The following SIGLEC12 variants were observed in gnomAD, a reference collection of about 807,000 sequenced individuals.
SIGLEC12 encodes sialic acid binding Ig like lectin 12.
SIGLEC12 carries 43 observed loss-of-function variants against 54.1 expected under a neutral mutation model. The ratio of observed to expected loss-of-function variants is 0.80; its 90% CI spans 0.62 to 1.03. SIGLEC12 has a LOEUF of 1.03. SIGLEC12 is among the 50% of genes least tolerant of loss of function. The pLI, the probability that SIGLEC12 is intolerant of heterozygous loss-of-function variation, is 0.00. For synonymous variants in SIGLEC12, 357 were observed against 307.6 expected, an observed-to-expected ratio of 1.16 and a Z score of -1.68; for missense variants, 802 against 735.2, an observed-to-expected ratio of 1.09 and a Z score of -1.05.
chr19:51,492,599 T>C (rs1295265157), intron 7 of SIGLEC12, among the ~76,000 whole-genome samples: 2 of 152,190 alleles, frequency 1.3e-5, no homozygotes, highest in African/African-American at 2.4e-5. Flanking sequence ...GAAATTATCC[T>C]GGATTACTTG....
intron 7 of SIGLEC12, among the ~76,000 whole-genome samples, chr19:51,492,935 C>T (rs1487727718): frequency 2.4e-4 from 37 of 152,182 alleles, no homozygotes. Context: ...CCACAGGAAA[C>T]TAATATAGAC....
Position 51,501,725 on chromosome 19 carries a change from C to CAGT in SIGLEC12, c.6_8dup (p.Leu8dup). 1 of 1,604,544 alleles carries CAGT rather than the reference C, an allele frequency of 6.2e-7. No individual in the cohort carries two copies. The highest frequency in any genetic ancestry group is 8.5e-7 in the Non-Finnish European group (1 of 1,173,578). ...GCAGGGGTGGCAGCAGTAGCAGCAG[C>CAGT]AGTAGCATGTGTCGGGTTGGAGGTG... On this transcript the variant is annotated inframe_insertion, in exon 1 of 8. Coordinates refer to ENST00000291707, the MANE Select transcript of SIGLEC12 (RefSeq NM_053003.4).
intron 1 of SIGLEC12, among the ~76,000 whole-genome samples, chr19:51,500,676 C>G (rs560418493): frequency 1.2e-4 from 18 of 152,020 alleles, no homozygotes; most frequent in Admixed American, 3.9e-4. Context: ...CCTGCCCTCC[C>G]GGCCTCTGGA....
In SIGLEC12 at chr19:51,495,343, GGATGGATGGACA is replaced by G. The variant is rs1396245144; in HGVS notation, c.1599+1525_1599+1536del. Among the ~76,000 whole-genome samples, 16 of 98,196 alleles carry G rather than the reference GGATGGATGGACA, an allele frequency of 1.6e-4. 1 individual carries two copies. The highest frequency in any genetic ancestry group is 6.6e-3 in the Middle Eastern group (1 of 152). The allele number at this position is 98,196 out of a possible 152,430, so 64.4% of individuals were successfully genotyped here. ...TGGATGGATGGATGGATGGATGGAT[GGATGGATGGACA>G]GACGGGTGGGTGGATGGATGGATGG... On this transcript the variant is annotated intron_variant, in intron 7 of 7. Transcript: ENST00000291707.
In SIGLEC12 at chr19:51,499,444, T is replaced by C. The variant is rs373503153; in HGVS notation, c.1081A>G (p.Ile361Val). 2 of 1,578,458 alleles carry C rather than the reference T, an allele frequency of 1.3e-6. No individual in the cohort carries two copies. Among genetic ancestry groups the C allele is most frequent in the East Asian group, 4.5e-5 (2 of 44,732 alleles). ...VTMTRAVRLN[I>V]SYPPQNLTMT... ...GTCCTGGCCCAGAACTCACAGGATA[T>C]GTTGAGTCGGACAGCCCTGGTCATG... The change falls in exon 3 of 8, where the codon ATA becomes GTA. Residue 361 changes from isoleucine to valine, a missense_variant. Transcript: ENST00000291707.
intron 3 of SIGLEC12, 37 bp from the exon 4 acceptor site, chr19:51,499,254 G>A (rs375879393): frequency 1.2e-4 from 199 of 1,610,206 alleles, no homozygotes; most frequent in Non-Finnish European, 1.6e-4. Flanking sequence ...ATCACTTTGA[G>A]GACTGGGGAC....
rs749559574 is a variant in SIGLEC12 at position 51,501,451 on chromosome 19, G to A, written c.283C>T (p.Leu95Phe). Residue 95 changes from leucine to phenylalanine, a missense_variant, in exon 1 of 8, where the codon CTC becomes TTC. Physicochemically the swap from Leu to Phe is conservative, Grantham distance 22. Transcript: ENST00000291707. ...TCCTTGTTCTGTGGGTCCCCAAGGAGGTGGAATCGGTCCCGAGTCTCCTCC... is the reference window on the plus strand; with the variant it reads ...TCCTTGTTCTGTGGGTCCCCAAGGAAGTGGAATCGGTCCCGAGTCTCCTCC... ...VQEETRDRFH[L>F]LGDPQNKDCT... 6.2e-6 allele frequency: 10 copies of A among 1,614,206 alleles called. No individual in the cohort carries two copies. In the South Asian group the frequency reaches 1.1e-4, roughly 18 times the overall value.
rs1399460575 is a variant in SIGLEC12 at position 51,495,217 on chromosome 19, G to GTGGATGGA, written c.1599+1655_1599+1662dup. Among the ~76,000 whole-genome samples the GTGGATGGA allele has an allele frequency of 1.2e-3, 91 of 78,840 alleles. 6 individuals are homozygous for GTGGATGGA. Among genetic ancestry groups the GTGGATGGA allele is most frequent in the Admixed American group, 1.3e-3 (10 of 7,980 alleles). 51.7% of individuals were successfully genotyped at this position (78,840 alleles called of 152,430 possible). On this transcript the variant is annotated intron_variant, in intron 7 of 7. Coordinates refer to ENST00000291707, the MANE Select transcript of SIGLEC12 (RefSeq NM_053003.4). Reference sequence around the variant, plus strand: ...GATGGATGGACGGACGGGTGGGTGGGTGGATGGATGGATGGATGGATGGAT... The same window carrying GTGGATGGA: ...GATGGATGGACGGACGGGTGGGTGGGTGGATGGATGGATGGATGGATGGATGGATGGAT...
At position 51,496,915 on chromosome 19, in the gene SIGLEC12, C is replaced by G. The variant is rs750682717; in HGVS notation, c.1564G>C (p.Glu522Gln). The G allele has an allele frequency of 1.5e-5, 25 of 1,613,882 alleles. No homozygotes were observed. Among genetic ancestry groups the G allele is most frequent in the Admixed American group, 8.3e-5 (5 of 60,002 alleles). Residue 522 changes from glutamate (E) to glutamine (Q), a missense_variant, in exon 7 of 8, where the codon GAG becomes CAG. Transcript: ENST00000291707. The part of the protein sequence containing the change: ...PAVGVGDTGM[E>Q]DANAVRGSAS... Reference sequence around the variant, plus strand: ...GAGCCCCTGACAGCGTTTGCGTCCTCCATGCCTGTATCCCCCACGCCCACT... The same window carrying G: ...GAGCCCCTGACAGCGTTTGCGTCCTGCATGCCTGTATCCCCCACGCCCACT...
rs1990216324 is a variant in SIGLEC12, at chr19:51,495,409, G to GTGGATGGATGGATGGA, written c.1599+1470_1599+1471insTCCATCCATCCATCCA. The stretch of plus-strand genomic sequence containing the variant: ...GATGGATGGATGGATGGGTGGGTGG[G>GTGGATGGATGGATGGA]TGGGTGGATGGATGGATGGATGGAT... On this transcript the variant is annotated intron_variant, in intron 7 of 7. Transcript: ENST00000291707. Among the ~76,000 whole-genome samples, 3 of 84,890 alleles carry GTGGATGGATGGATGGA rather than the reference G, an allele frequency of 3.5e-5. No individual in the cohort carries two copies. In the South Asian group the frequency reaches 1.4e-3, roughly 40 times the overall value. 55.7% of individuals were successfully genotyped at this position (84,890 alleles called of 152,430 possible). A position where few individuals can be genotyped will look rare whatever the true frequency, so the allele number is the denominator to read the frequency against.
At chr19:51,497,317 C>T in intron 6 of SIGLEC12, 32 bp downstream of exon 6, 1 of 1,591,160 alleles carries the variant, frequency 6.3e-7, no homozygotes, top group Non-Finnish European at 8.6e-7. Flanking sequence ...TGCCCTCCCC[C>T]AAGGCTCTTC....
intron 7 of SIGLEC12, among the ~76,000 whole-genome samples, chr19:51,494,245 T>TA (rs1265904378): frequency 6.6e-6 from 1 of 151,912 alleles, no homozygotes; most frequent in Non-Finnish European, 1.5e-5. Context: ...CCAGAATATA[T>TA]TAAAAAAATT....
chr19:51,500,385 A>C, intron 1 of SIGLEC12, 85 bp from the exon 2 acceptor site: 14 of 1,608,174 alleles, frequency 8.7e-6, no homozygotes, highest in Non-Finnish European at 1.2e-5. Context: ...TCTGAGGCAG[A>C]GGCTTCCTGG....
At chr19:51,494,475 GGATGTGGAGA>G (rs1322550234) in intron 7 of SIGLEC12, among the ~76,000 whole-genome samples, 2 of 152,214 alleles carry the variant, frequency 1.3e-5, no homozygotes, top group Non-Finnish European at 2.9e-5. Context: ...GCGTTGGTGA[GGATGTGGAGA>G]AATGGGAACC....
intron 2 of SIGLEC12, 89 bp from the exon 3 acceptor site, chr19:51,499,805 C>T: frequency 6.4e-7 from 1 of 1,556,988 alleles, no homozygotes; most frequent in Non-Finnish European, 8.7e-7. Context: ...TTACTCCTCC[C>T]CTGAGCCAGA....
chr19:51,501,386 T>C lies in SIGLEC12; in HGVS notation c.348A>G (p.Ala116=). The part of the protein sequence containing the change: ...LSIRDTRESD[A]GTYVFCVERG... ...TCTCTACACAAAAGACGTATGTCCC[T>C]GCATCACTCTCTCTGGTGTCTCTGA... Residue 116 remains alanine (A), a synonymous_variant, in exon 1 of 8, where the codon GCA becomes GCG. Coordinates refer to ENST00000291707, the MANE Select transcript of SIGLEC12 (RefSeq NM_053003.4). 6.2e-7 allele frequency: 1 copy of C among 1,614,224 alleles called. No individual in the cohort carries two copies. Among genetic ancestry groups the C allele is most frequent in the Non-Finnish European group, 8.5e-7 (1 of 1,180,022 alleles).
At chr19:51,491,870 G>C in intron 7 of SIGLEC12, 41 bp from the exon 8 acceptor site, 1 of 1,467,796 alleles carries the variant, frequency 6.8e-7, no homozygotes, top group Non-Finnish European at 9.1e-7. Flanking sequence ...AGAGCAGTGG[G>C]GCCAGCATGC....
chr19:51,498,983 T>A (rs1356306318), intron 4 of SIGLEC12, among the ~76,000 whole-genome samples, 187 bp downstream of exon 4: 1 of 151,164 alleles, frequency 6.6e-6, no homozygotes, highest in Non-Finnish European at 1.5e-5. Flanking sequence ...TAGGTGTGTG[T>A]GTGGAGGAGT....
chr19:51,501,518 C>T lies in SIGLEC12; in HGVS notation c.216G>A (p.Arg72=). ...YWFRAGDHVS[R]NIPVATNNPA... The stretch of plus-strand genomic sequence containing the variant: ...GGTTGTTTGTGGCCACTGGAATGTT[C>T]CGGCTTACATGGTCCCCTGCCCGGA... Residue 72 remains arginine, a synonymous_variant, in exon 1 of 8, where the codon CGG becomes CGA. Coordinates refer to ENST00000291707, the MANE Select transcript of SIGLEC12 (RefSeq NM_053003.4). The T allele has an allele frequency of 1.9e-6, 3 of 1,580,388 alleles. No individual in the cohort carries two copies. The highest frequency in any genetic ancestry group is 2.6e-6 in the Non-Finnish European group (3 of 1,165,808).
Sources: gnomAD v4.1 joint callset for allele counts (sites outside exome capture counted in the v4.1 genomes callset) on GRCh38, gnomAD v4.1.1 for gene constraint, MANE v1.5 for transcripts, NCBI Gene and HGNC (gene_info 2026-07-23, HGNC 2026-07-21) for gene names.